Variants in CCDC174 observed in about 807,000 individuals in gnomAD.
CCDC174 encodes the protein coiled-coil domain containing 174.
CCDC174 carries 37 observed loss-of-function variants against 57.1 expected under a neutral mutation model. The ratio of observed to expected loss-of-function variants is 0.65; its 90% CI spans 0.50 to 0.85. CCDC174 has a LOEUF of 0.85. Ranked by LOEUF, CCDC174 falls within the 40% of genes least tolerant of loss-of-function variation. CCDC174 has a pLI of 0.00. For missense variants in CCDC174, 540 were observed against 574.3 expected (o/e 0.94, Z 0.61); for synonymous variants, 182 against 190.2 (o/e 0.96, Z 0.35).
intron 1 of CCDC174, among the ~76,000 whole-genome samples, chr3:14,653,630 AT>A (rs2030850144): frequency 1.3e-5 from 2 of 152,316 alleles, no homozygotes; most frequent in African/African-American, 4.8e-5. Flanking sequence ...GGCAGGGGTA[AT>A]TAATGTAGCT....
intron 5 of CCDC174, 131 bp downstream of exon 5, chr3:14,661,838 T>C: frequency 2.8e-6 from 2 of 724,706 alleles, no homozygotes; most frequent in Non-Finnish European, 4.5e-6. Flanking sequence ...AGACTTCCCT[T>C]TAAGTTAGGT....
chr3:14,661,770 T>A, intron 5 of CCDC174, 63 bp downstream of exon 5: 1 of 1,443,656 alleles, frequency 6.9e-7, no homozygotes, highest in Non-Finnish European at 9.4e-7. Flanking sequence ...ATTTTGGGAG[T>A]GATTTTGTTG....
chr3:14,667,333 T>G lies in CCDC174; in HGVS notation c.725-91T>G, dbSNP rs1199175714. 1.2e-5 allele frequency: 11 copies of G among 948,880 alleles called. No homozygotes were observed. The Admixed American group carries it at 2.2e-4, about 19-fold the overall frequency. The allele number at this position is 948,880 out of a possible 1,614,324, so 58.8% of individuals were successfully genotyped here. A position where few individuals can be genotyped will look rare whatever the true frequency, so the allele number is the denominator to read the frequency against. ...TTAAAACTTGTGCCAAATATCACTG[T>G]GTTTCTTTTTGCTTTGGTAGGAAAT... On this transcript the variant is annotated intron_variant, in intron 7 of 10. Transcript: ENST00000383794.
intron 1 of CCDC174, among the ~76,000 whole-genome samples, chr3:14,653,262 CTTAAAG>C (rs1242952724): frequency 8.5e-5 from 13 of 152,262 alleles, no homozygotes; most frequent in East Asian, 3.9e-4. Flanking sequence ...TTGAGCATCT[CTTAAAG>C]TTAAAGGCAG....
chr3:14,669,303 A>G (rs1461798775), intron 9 of CCDC174, among the ~76,000 whole-genome samples: 1 of 152,222 alleles, frequency 6.6e-6, no homozygotes, highest in African/African-American at 2.4e-5. Flanking sequence ...TAGGAATTTG[A>G]AAACCATCTG....
At chr3:14,666,129 A>G (rs909373658) in intron 6 of CCDC174, among the ~76,000 whole-genome samples, 3 of 151,748 alleles carry the variant, frequency 2.0e-5, no homozygotes, top group Non-Finnish European at 2.9e-5. Flanking sequence ...AGGAGACACC[A>G]CTCAGGCCAC....
rs17040096 is a variant in CCDC174, at chr3:14,671,361, C to T, written c.*167C>T. 0.019 allele frequency: 12,555 copies of T among 659,458 alleles called. 488 individuals are homozygous for T. Among genetic ancestry groups the T allele is most frequent in the African/African-American group, 0.13 (7,042 of 55,010 alleles). The allele number at this position is 659,458 out of a possible 1,614,324, so 40.9% of individuals were successfully genotyped here. A position where few individuals can be genotyped will look rare whatever the true frequency, so the allele number is the denominator to read the frequency against. On this transcript the variant is annotated 3_prime_UTR_variant, in exon 11 of 11. Coordinates refer to ENST00000383794, the MANE Select transcript of CCDC174 (RefSeq NM_016474.5). ...AGGAGGAAAGTTATGGAAACTTTGG[C>T]CACTTGGCTGTTCATTTTATTCTAA...
rs1325240291 is a variant in CCDC174, at chr3:14,666,878, G to A, written c.655G>A (p.Glu219Lys). 9 of 1,607,220 alleles carry A rather than the reference G, an allele frequency of 5.6e-6. No individual in the cohort carries two copies. The highest frequency in any genetic ancestry group is 7.6e-6 in the Non-Finnish European group (9 of 1,178,034). Residue 219 changes from glutamate to lysine, a missense_variant, in exon 7 of 11, where the codon GAG becomes AAG. Transcript: ENST00000383794. Reference sequence around the variant, plus strand: ...AAAAGAACTTCAGCGCCAGCAATGGGAGGAAGAAGAAAGAGAGGCCCTGAA... The same window carrying A: ...AAAAGAACTTCAGCGCCAGCAATGGAAGGAAGAAGAAAGAGAGGCCCTGAA... ...MRKELQRQQW[E>K]EEEREALKRP...
chr3:14,667,284 C>A, intron 7 of CCDC174, 140 bp from the exon 8 acceptor site: 1 of 707,844 alleles, frequency 1.4e-6, no homozygotes, highest in Non-Finnish European at 2.4e-6. Flanking sequence ...TTTGTTTCTT[C>A]GCTTAGCTGT....
In CCDC174 at chr3:14,666,867, G is replaced by A. The variant is rs370223037; in HGVS notation, c.644G>A (p.Arg215His). 20 of 1,605,962 alleles carry A rather than the reference G, an allele frequency of 1.2e-5. No homozygotes were observed. Among genetic ancestry groups the A allele is most frequent in the South Asian group, 2.2e-5 (2 of 89,454 alleles). Residue 215 changes from arginine to histidine, a missense_variant, in exon 7 of 11, where the codon CGC becomes CAC. Coordinates refer to ENST00000383794, the MANE Select transcript of CCDC174 (RefSeq NM_016474.5). ...GAAGATATGAGAAAAGAACTTCAGC[G>A]CCAGCAATGGGAGGAAGAAGAAAGA... is the stretch of plus-strand genomic sequence containing the variant. Reference protein sequence around the residue: ...LSEDMRKELQRQQWEEEEREA... With the variant: ...LSEDMRKELQHQQWEEEEREA...
chr3:14,662,410 G>A (rs1276071579), intron 5 of CCDC174, among the ~76,000 whole-genome samples: 2 of 133,972 alleles, frequency 1.5e-5, no homozygotes, highest in East Asian at 4.7e-4. Flanking sequence ...CAGGCATTTT[G>A]TAAACTTTTA....
intron 5 of CCDC174, among the ~76,000 whole-genome samples, chr3:14,664,281 C>T (rs762551635): frequency 1.2e-4 from 18 of 152,198 alleles, no homozygotes; most frequent in Non-Finnish European, 2.4e-4. Flanking sequence ...ACTGTGTATT[C>T]GGTACCCTGC....
intron 9 of CCDC174, among the ~76,000 whole-genome samples, chr3:14,668,674 C>G (rs558452768): frequency 8.5e-6 from 1 of 117,274 alleles, no homozygotes; most frequent in Non-Finnish European, 2.2e-5. Flanking sequence ...CTTGGAAACA[C>G]TGTTAAATGC....
intron 1 of CCDC174, among the ~76,000 whole-genome samples, chr3:14,654,015 T>G (rs2030868394): frequency 6.6e-6 from 1 of 152,268 alleles, no homozygotes; most frequent in Non-Finnish European, 1.5e-5. Flanking sequence ...GTTCTGCTCT[T>G]CAGCGTTATT....
chr3:14,668,380 G>A (rs1339938959), intron 9 of CCDC174, among the ~76,000 whole-genome samples, 199 bp downstream of exon 9: 2 of 152,176 alleles, frequency 1.3e-5, no homozygotes, highest in Non-Finnish European at 2.9e-5. Flanking sequence ...GGCTATAGAT[G>A]AGGATATGAA....
chr3:14,668,128 G>C lies in CCDC174; in HGVS notation c.899G>C (p.Arg300Pro). ...TTAGAGGCAAGACTTGCCAAACTTCGACAAAAAAAGATGAAAAAATCAAAA... is the reference window on the plus strand; with the variant it reads ...TTAGAGGCAAGACTTGCCAAACTTCCACAAAAAAAGATGAAAAAATCAAAA... ...AILEARLAKL[R>P]QKKMKKSKEG... The change falls in exon 9 of 11, where the codon CGA becomes CCA. Residue 300 changes from arginine (R) to proline (P), a missense_variant. Coordinates refer to ENST00000383794, the MANE Select transcript of CCDC174 (RefSeq NM_016474.5). The C allele has an allele frequency of 6.2e-7, 1 of 1,607,082 alleles. No homozygotes were observed. Among genetic ancestry groups the C allele is most frequent in the Non-Finnish European group, 8.5e-7 (1 of 1,176,868 alleles).
intron 3 of CCDC174, among the ~76,000 whole-genome samples, chr3:14,657,002 C>G (rs1257587924): frequency 6.6e-6 from 1 of 152,154 alleles, no homozygotes; most frequent in Non-Finnish European, 1.5e-5. Context: ...TAGCATTTGA[C>G]CTGTCCCCAA....
chr3:14,671,643 A>C lies in CCDC174; in HGVS notation c.*449A>C, dbSNP rs914032823. 6.5e-5 allele frequency: 10 copies of C among 154,650 alleles called. No individual in the cohort carries two copies. The highest frequency in any genetic ancestry group is 5.8e-4 in the Admixed American group (9 of 15,472). The allele number at this position is 154,650 out of a possible 1,614,324, so 9.6% of individuals were successfully genotyped here. A position where few individuals can be genotyped will look rare whatever the true frequency, so the allele number is the denominator to read the frequency against. On this transcript the variant is annotated 3_prime_UTR_variant, in exon 11 of 11. Transcript: ENST00000383794. Reference sequence around the variant, plus strand: ...GAATTTCTCCCTGTCAAGCAGTGGAAAACTGCATGGGAGGCAAAATGCTCT... The same window carrying C: ...GAATTTCTCCCTGTCAAGCAGTGGACAACTGCATGGGAGGCAAAATGCTCT...
At chr3:14,669,850 A>T in intron 9 of CCDC174, 84 bp from the exon 10 acceptor site, 1 of 1,397,982 alleles carries the variant, frequency 7.2e-7, no homozygotes, top group Non-Finnish European at 9.9e-7. Context: ...GGTTACTTTT[A>T]CTTTCAGGAT....
Sources: allele counts gnomAD v4.1 joint callset (sites outside exome capture counted in the v4.1 genomes callset), GRCh38; gene constraint gnomAD v4.1.1; transcripts MANE v1.5; gene names NCBI Gene and HGNC (gene_info 2026-07-23, HGNC 2026-07-21).